Variants in PREX1 observed in about 807,000 individuals in gnomAD.
PREX1 encodes phosphatidylinositol-3,4,5-trisphosphate dependent Rac exchange factor 1.
A neutral mutation model predicts 198.3 loss-of-function variants in PREX1; 41 were observed. That is an observed-to-expected ratio of 0.21 (90% CI 0.16 to 0.27). The LOEUF (loss-of-function observed/expected upper bound fraction) is 0.27, where lower values mean the gene tolerates loss of function less well. Among genes scored for constraint, PREX1 ranks in the 10% least tolerant of loss-of-function variants. The probability of loss-of-function intolerance (pLI) is 1.00; values close to 1 mark genes in which losing one functional copy is unlikely to be tolerated. For missense variants in PREX1, 1,620 were observed against 2,200.7 expected (o/e 0.74, Z 5.28); for synonymous variants, 843 against 887.2 (o/e 0.95, Z 0.89).
At chr20:48,759,549 C>CAAAAAAAAAAAAAAAAAAAA (rs386393896) in intron 1 of PREX1, among the ~76,000 whole-genome samples, 8 of 73,956 alleles carry the variant, frequency 1.1e-4, no homozygotes, top group East Asian at 4.1e-4. Flanking sequence ...GATTCCATCT[C>CAAAAAAAAAAAAAAAAAAAA]AAAAAAAAAA....
intron 17 of PREX1, among the ~76,000 whole-genome samples, chr20:48,657,666 G>A (rs2089555847): frequency 6.6e-6 from 1 of 152,106 alleles, no homozygotes; most frequent in Admixed American, 6.5e-5. Context: ...GGCAAGCTGG[G>A]CTCCAGCCAG....
chr20:48,627,421 T>G, intron 39 of PREX1, 127 bp downstream of exon 39: 1 of 1,060,774 alleles, frequency 9.4e-7, no homozygotes, highest in Non-Finnish European at 1.4e-6. Context: ...CTCAAAGAGG[T>G]TCCCCATAAA....
At chr20:48,870,660 T>C in the PREX1 span, among the ~76,000 whole-genome samples, 1 of 152,096 alleles carries the variant, frequency 6.6e-6, no homozygotes, top group East Asian at 1.9e-4. Context: ...GTAAAAATCA[T>C]ATTTAGGCAG....
At position 48,651,403 on chromosome 20, in the gene PREX1, G is replaced by A; in HGVS notation, c.2648C>T (p.Thr883Ile). 1.2e-6 allele frequency: 2 copies of A among 1,603,036 alleles called. No individual in the cohort carries two copies. Among genetic ancestry groups the A allele is most frequent in the East Asian group, 2.2e-5 (1 of 44,664 alleles). The change falls in exon 22 of 40, where the codon ACC (threonine) becomes ATC (isoleucine). Residue 883 changes from threonine to isoleucine, a missense_variant. Transcript: ENST00000371941. ...IVEPRGCFGLTAKILEAFAAN... is the reference protein window; with the variant it reads ...IVEPRGCFGLIAKILEAFAAN... ...GGCAGTGCCCAAGGAGACCTTGGCG[G>A]TGAGGCCGAAGCAGCCGCGGGGCTC... is the stretch of plus-strand genomic sequence containing the variant.
At chr20:48,643,480 A>T (rs546029881) in intron 27 of PREX1, among the ~76,000 whole-genome samples, 391 of 148,270 alleles carry the variant, frequency 2.6e-3, no homozygotes, top group African/African-American at 8.0e-3. Flanking sequence ...AAAAAAATTT[A>T]AAAAAAAAAG....
the PREX1 span, among the ~76,000 whole-genome samples, chr20:48,859,922 G>A: frequency 6.6e-6 from 1 of 152,236 alleles, no homozygotes; most frequent in African/African-American, 2.4e-5. Flanking sequence ...AGAGGCTGAG[G>A]CAGGAGAATG....
At chr20:48,773,418 C>T (rs1265202776) in intron 1 of PREX1, among the ~76,000 whole-genome samples, 4 of 152,206 alleles carry the variant, frequency 2.6e-5, no homozygotes, top group Admixed American at 2.0e-4. Flanking sequence ...TCCTGATCAC[C>T]GCTAAGCATG....
In PREX1 at chr20:48,650,131, G is replaced by A. The variant is rs1490575945; in HGVS notation, c.2893C>T (p.Leu965=). The A allele has an allele frequency of 1.2e-6, 2 of 1,614,014 alleles. No individual in the cohort carries two copies. Among genetic ancestry groups the A allele is most frequent in the Non-Finnish European group, 1.7e-6 (2 of 1,179,894 alleles). ...TGGCAATTGGTGGGGCAGAAGTCCA[G>A]GCCACACAGCGGGTGGGGCTCCAGG... ...APLEPHPLCG[L]DFCPTNCHIN... Residue 965 remains leucine, a synonymous_variant, in exon 24 of 40, where the codon CTG becomes TTG. Transcript: ENST00000371941.
intron 15 of PREX1, among the ~76,000 whole-genome samples, chr20:48,664,216 A>C (rs192630140): frequency 3.9e-4 from 59 of 152,320 alleles, no homozygotes; most frequent in African/African-American, 1.4e-3. Context: ...CTACTAAAAA[A>C]TACAAAAAAT....
At chr20:48,852,349 A>C in the PREX1 span, among the ~76,000 whole-genome samples, 4 of 151,900 alleles carry the variant, frequency 2.6e-5, no homozygotes, top group African/African-American at 4.8e-5. Context: ...ATGGTGCTGG[A>C]GGCGGAATTT....
chr20:48,649,331 C>T lies in PREX1; in HGVS notation c.3274G>A (p.Glu1092Lys). 1 of 1,614,080 alleles carries T rather than the reference C, an allele frequency of 6.2e-7. No homozygotes were observed. Among genetic ancestry groups the T allele is most frequent in the South Asian group, 1.1e-5 (1 of 91,076 alleles). Residue 1092 changes from glutamate (E) to lysine (K), a missense_variant, in exon 25 of 40, where the codon GAG (glutamate) becomes AAG (lysine). Glu to Lys is a moderately conservative substitution (Grantham distance 56). This residue lies in a region of PREX1 where 514 missense variants were observed against 611.6 expected (regional missense o/e 0.84). Coordinates refer to ENST00000371941, the MANE Select transcript of PREX1 (RefSeq NM_020820.4). ...ATCTGGGTGACATATTGCTTCATCT[C>T]CTTCAGGGCCACATCCAGCTTGGTG... Reference protein sequence around the residue: ...LFTKLDVALKEMKQYVTQINR... With the variant: ...LFTKLDVALKKMKQYVTQINR...
chr20:48,766,718 G>A (rs1179503555), intron 1 of PREX1, among the ~76,000 whole-genome samples: 3 of 152,196 alleles, frequency 2.0e-5, no homozygotes, highest in Non-Finnish European at 4.4e-5. Context: ...TTTATGTGAT[G>A]ATTCAATTAA....
intron 2 of PREX1, 81 bp from the exon 3 acceptor site, chr20:48,745,228 C>A: frequency 6.8e-7 from 1 of 1,463,932 alleles, no homozygotes; most frequent in South Asian, 1.3e-5. Context: ...ATACAAACCT[C>A]GGTGCGGGTG....
At chr20:48,865,822 A>G in the PREX1 span, among the ~76,000 whole-genome samples, 1 of 152,208 alleles carries the variant, frequency 6.6e-6, no homozygotes, top group Non-Finnish European at 1.5e-5. Context: ...ATTATTGTGC[A>G]CAAACTCTCC....
Position 48,642,558 on chromosome 20 carries a change from C to A in PREX1, c.3602-69G>T. 2.2e-6 allele frequency: 3 copies of A among 1,361,210 alleles called. No individual in the cohort carries two copies. In the East Asian group the frequency reaches 7.0e-5, roughly 32 times the overall value. 84.3% of individuals were successfully genotyped at this position (1,361,210 alleles called of 1,614,324 possible). A position where few individuals can be genotyped will look rare whatever the true frequency, so the allele number is the denominator to read the frequency against. On this transcript the variant is annotated intron_variant, in intron 27 of 39. Transcript: ENST00000371941. ...ACCTCACACCATCCCCAGCACTTTCCTAAGAGGGGGATACAGCTACAGAAC... is the reference window on the plus strand; with the variant it reads ...ACCTCACACCATCCCCAGCACTTTCATAAGAGGGGGATACAGCTACAGAAC...
intron 1 of PREX1, among the ~76,000 whole-genome samples, chr20:48,759,544 C>A (rs2090169686): frequency 1.0e-5 from 1 of 99,372 alleles, no homozygotes; most frequent in Non-Finnish European, 2.0e-5. Context: ...AGCAAGATTC[C>A]ATCTCAAAAA....
At chr20:48,638,113 T>A (rs1446837600) in intron 30 of PREX1, among the ~76,000 whole-genome samples, 1 of 151,086 alleles carries the variant, frequency 6.6e-6, no homozygotes, top group African/African-American at 2.4e-5. Context: ...ACACACACAC[T>A]CACACATCAA....
rs111654927 is a variant in PREX1, at chr20:48,632,347, C to G, written c.4456G>C (p.Ala1486Pro). The stretch of plus-strand genomic sequence containing the variant: ...TTGATGTCCTGCTGCAAATCCTCCG[C>G]GGCCTGGCTGCCTGGAGAAGGCAGC... ...EGLPSPGSQA[A>P]EDLQQDINAQ... is the part of the protein sequence containing the mutation. The change falls in exon 35 of 40, where the codon GCG becomes CCG. Residue 1486 changes from alanine (A) to proline (P), a missense_variant. Ala to Pro is a conservative substitution (Grantham distance 27, BLOSUM62 -1). Around this residue, in one of 7 missense-constraint regions of PREX1, gnomAD observed 476 missense variants for 603.4 expected, o/e 0.79. Transcript: ENST00000371941. The G allele has an allele frequency of 6.2e-7, 1 of 1,614,042 alleles. No homozygotes were observed.
In PREX1 at chr20:48,787,102, A is replaced by G. The variant is rs536683354; in HGVS notation, c.220-39222T>C. Among the ~76,000 whole-genome samples, 7 of 152,280 alleles carry G rather than the reference A, an allele frequency of 4.6e-5. No individual in the cohort carries two copies. In the East Asian group the frequency reaches 1.4e-3, roughly 30 times the overall value. ...GAAACGTCCAGCAAAGGCTGCGAGA[A>G]GCGGGCTGGAAGGCCATTCCTGACA... On this transcript the variant is annotated intron_variant, in intron 1 of 39. Coordinates refer to ENST00000371941, the MANE Select transcript of PREX1 (RefSeq NM_020820.4).
Sources: gnomAD v4.1 joint callset for allele counts (sites outside exome capture counted in the v4.1 genomes callset) on GRCh38, gnomAD v4.1.1 for gene constraint, gnomAD v4.1.1 regional missense constraint, MANE v1.5 for transcripts, NCBI Gene and HGNC (gene_info 2026-07-23, HGNC 2026-07-21) for gene names.